Variants in CYTH4 observed in about 807,000 individuals in gnomAD.
The protein encoded by CYTH4 is cytohesin 4.
CYTH4 carries 22 observed loss-of-function variants against 57.5 expected under a neutral mutation model. That is an observed-to-expected ratio of 0.38 (90% CI 0.27 to 0.55). The LOEUF (loss-of-function observed/expected upper bound fraction) is 0.55. CYTH4 is among the 20% of genes least tolerant of loss of function. The pLI is 0.74. For missense variants in CYTH4, 420 were observed against 535.6 expected (o/e 0.78, Z 2.13); for synonymous variants, 186 against 206.5 (o/e 0.90, Z 0.85).
chr22:37,311,771 C>A lies in CYTH4; in HGVS notation c.957+244C>A. ...CACAGCCCGACTGGCTGGATGGCCC[C>A]GAGTAAGCTCCACTCCATTCAGAAC... On this transcript the variant is annotated intron_variant, in intron 11 of 12. Coordinates refer to ENST00000248901, the MANE Select transcript of CYTH4 (RefSeq NM_013385.5). This position sits in a 1 kb window ranked among gnomAD's most constrained non-coding sequence, Gnocchi z 4.4. The A allele has an allele frequency of 1.5e-6, 1 of 655,948 alleles. No individual in the cohort carries two copies. The highest frequency in any genetic ancestry group is 2.6e-6 in the Non-Finnish European group (1 of 387,508). 40.6% of individuals were successfully genotyped at this position (655,948 alleles called of 1,614,324 possible). A position where few individuals can be genotyped will look rare whatever the true frequency, so the allele number is the denominator to read the frequency against.
Position 37,297,642 on chromosome 22 carries a change from G to T in CYTH4, c.313G>T (p.Gly105Cys). ...TGCACGGTTCCTGTATAAAGGCGAG[G>T]GCCTCAACAAGACAGCCATTGGTAC... The part of the protein sequence containing the change: ...DIARFLYKGE[G>C]LNKTAIGTYL... Residue 105 changes from glycine (G) to cysteine (C), a missense_variant, in exon 5 of 13, where the codon GGC becomes TGC. Physicochemically the swap from Gly to Cys is radical, Grantham distance 159 (BLOSUM62 -3). Transcript: ENST00000248901. 6.2e-7 allele frequency: 1 copy of T among 1,613,960 alleles called. No individual in the cohort carries two copies. Among genetic ancestry groups the T allele is most frequent in the South Asian group, 1.1e-5 (1 of 91,080 alleles).
At position 37,313,747 on chromosome 22, in the gene CYTH4, C is replaced by T. The variant is rs1203908564; in HGVS notation, c.*236C>T. 4 of 560,540 alleles carry T rather than the reference C, an allele frequency of 7.1e-6. No homozygotes were observed. Among genetic ancestry groups the T allele is most frequent in the African/African-American group, 1.9e-5 (1 of 52,974 alleles). 34.7% of individuals were successfully genotyped at this position (560,540 alleles called of 1,614,324 possible). A position where few individuals can be genotyped will look rare whatever the true frequency, so the allele number is the denominator to read the frequency against. ...TGGCCTGGGCACCCAGCTGCAGGCC[C>T]CTGCCCTACGTGCACTACAGGAAGG... On this transcript the variant is annotated 3_prime_UTR_variant, in exon 13 of 13. Coordinates refer to ENST00000248901, the MANE Select transcript of CYTH4 (RefSeq NM_013385.5).
intron 1 of CYTH4, among the ~76,000 whole-genome samples, chr22:37,286,287 T>C (rs1928558966): frequency 6.6e-6 from 1 of 152,110 alleles, no homozygotes; most frequent in Admixed American, 6.5e-5. Flanking sequence ...CAGATGTGAA[T>C]CCCAGCTCTG....
At chr22:37,297,412 T>C (rs1276921302) in intron 4 of CYTH4, 152 bp from the exon 5 acceptor site, 3 of 576,842 alleles carry the variant, frequency 5.2e-6, no homozygotes, top group Non-Finnish European at 6.1e-6. Context: ...GCAGCTCCTA[T>C]GAAAGAGGGG....
At chr22:37,310,949 GA>G in intron 9 of CYTH4, 38 bp from the exon 10 acceptor site, 1 of 1,609,850 alleles carries the variant, frequency 6.2e-7, no homozygotes, top group Non-Finnish European at 8.5e-7. Context: ...AGTGGCCCAG[GA>G]GGAGGACTGA....
At chr22:37,308,771 C>A (rs185987057) in intron 8 of CYTH4, among the ~76,000 whole-genome samples, 8 of 143,180 alleles carry the variant, frequency 5.6e-5, no homozygotes, top group Admixed American at 4.1e-4. Flanking sequence ...TGTGAGCGTG[C>A]CTGCATGTGT....
intron 7 of CYTH4, among the ~76,000 whole-genome samples, chr22:37,302,316 G>A (rs1304919316): frequency 1.3e-5 from 2 of 152,234 alleles, no homozygotes; most frequent in East Asian, 1.9e-4. Flanking sequence ...AGGTAGGAAA[G>A]AAGGCATCTT....
intron 9 of CYTH4, chr22:37,309,855 G>A (rs765793124): frequency 3.2e-6 from 1 of 308,642 alleles, no homozygotes; most frequent in Non-Finnish European, 6.9e-6. Context: ...AAGCTGACTG[G>A]GGGCAGGGAG....
intron 12 of CYTH4, among the ~76,000 whole-genome samples, chr22:37,312,749 G>T (rs2145873564): frequency 6.6e-6 from 1 of 152,348 alleles, no homozygotes; most frequent in Middle Eastern, 3.4e-3. Flanking sequence ...GCTGGGTGAG[G>T]AAAGCCAAAG....
At chr22:37,296,367 C>T (rs376827751) in intron 4 of CYTH4, 5 of 406,632 alleles carry the variant, frequency 1.2e-5, no homozygotes, top group African/African-American at 6.2e-5. Context: ...ATGAATGTGG[C>T]TTGGGACAGT....
rs369653989 is a variant in CYTH4, at chr22:37,309,356, C to T, written c.808+33C>T. The T allele has an allele frequency of 4.4e-6, 7 of 1,579,486 alleles. No homozygotes were observed. In the African/African-American group the frequency reaches 9.4e-5, roughly 21 times the overall value. On this transcript the variant is annotated intron_variant, in intron 9 of 12. Transcript: ENST00000248901. ...ACCGACAGACACACGTCGTCGCACA[C>T]ACACTCATGCACGCGCGGGCACACA...
rs913673935 is a variant in CYTH4, at chr22:37,295,045, A to G, written c.167+321A>G. ...ACCCTGGGATGGGCGGGGAGAAGGG[A>G]AGCTCAGCCCCAAGGGCAAGGACAA... On this transcript the variant is annotated intron_variant, in intron 3 of 12. Coordinates refer to ENST00000248901, the MANE Select transcript of CYTH4 (RefSeq NM_013385.5). The surrounding 1 kb of genome is among the most constrained non-coding windows in gnomAD (Gnocchi z 4.1). Among the ~76,000 whole-genome samples, 3 of 152,052 alleles carry G rather than the reference A, an allele frequency of 2.0e-5. No homozygotes were observed. The highest frequency in any genetic ancestry group is 7.2e-5 in the African/African-American group (3 of 41,394).
chr22:37,311,657 T>G lies in CYTH4; in HGVS notation c.957+130T>G. The G allele has an allele frequency of 1.1e-6, 1 of 928,326 alleles. No individual in the cohort carries two copies. Among genetic ancestry groups the G allele is most frequent in the South Asian group, 1.4e-5 (1 of 71,778 alleles). 57.5% of individuals were successfully genotyped at this position (928,326 alleles called of 1,614,324 possible). A position where few individuals can be genotyped will look rare whatever the true frequency, so the allele number is the denominator to read the frequency against. ...GTGCCCCTTACACCTTCCCTGTGGCTCAGGGCTGCCTTCTCTCCCTCCTGG... is the reference window on the plus strand; with the variant it reads ...GTGCCCCTTACACCTTCCCTGTGGCGCAGGGCTGCCTTCTCTCCCTCCTGG... On this transcript the variant is annotated intron_variant, in intron 11 of 12. Coordinates refer to ENST00000248901, the MANE Select transcript of CYTH4 (RefSeq NM_013385.5). The surrounding 1 kb of genome is among the most constrained non-coding windows in gnomAD (Gnocchi z 4.4).
chr22:37,311,630 C>T lies in CYTH4; in HGVS notation c.957+103C>T. 2.5e-6 allele frequency: 3 copies of T among 1,207,456 alleles called. No homozygotes were observed. The highest frequency in any genetic ancestry group is 3.6e-6 in the Non-Finnish European group (3 of 826,278). 74.8% of individuals were successfully genotyped at this position (1,207,456 alleles called of 1,614,324 possible). On this transcript the variant is annotated intron_variant, in intron 11 of 12. Transcript: ENST00000248901. The surrounding 1 kb of genome is among the most constrained non-coding windows in gnomAD (Gnocchi z 4.4). Reference sequence around the variant, plus strand: ...AGGCTGGGCTCTCCAGGAAGCCAGGCTGTGCCCCTTACACCTTCCCTGTGG... The same window carrying T: ...AGGCTGGGCTCTCCAGGAAGCCAGGTTGTGCCCCTTACACCTTCCCTGTGG...
intron 12 of CYTH4, 116 bp from the exon 13 acceptor site, chr22:37,313,323 C>T (rs909937057): frequency 3.4e-5 from 35 of 1,024,004 alleles, no homozygotes; most frequent in South Asian, 5.6e-5. Context: ...CTTTCCCCCG[C>T]GGCAGAGCAG....
intron 8 of CYTH4, among the ~76,000 whole-genome samples, chr22:37,308,690 G>C (rs1189689924): frequency 6.6e-6 from 1 of 151,774 alleles, no homozygotes; most frequent in African/African-American, 2.4e-5. Context: ...GTGTAAGTAT[G>C]CATGTATGTG....
In CYTH4 at chr22:37,313,495, T is replaced by C. The variant is rs112449788; in HGVS notation, c.1169T>C (p.Ile390Thr). 6.7e-4 allele frequency: 1,074 copies of C among 1,614,106 alleles called. 11 individuals are homozygous for C. The African/African-American group carries it at 0.013, about 20-fold the overall frequency. ...CTGGTCTCTACTCGGAAGAAGAAGATTGCCAGCAAGCAGTGAGATTCCTGG... is the reference window on the plus strand; with the variant it reads ...CTGGTCTCTACTCGGAAGAAGAAGACTGCCAGCAAGCAGTGAGATTCCTGG... ...YDLVSTRKKK[I>T]ASKQ Residue 390 changes from isoleucine to threonine, a missense_variant, in exon 13 of 13, where the codon ATT (isoleucine) becomes ACT (threonine). Transcript: ENST00000248901.
chr22:37,295,392 G>A lies in CYTH4; in HGVS notation c.168-607G>A, dbSNP rs551470004. On this transcript the variant is annotated intron_variant, in intron 3 of 12. Coordinates refer to ENST00000248901, the MANE Select transcript of CYTH4 (RefSeq NM_013385.5). This position sits in a 1 kb window ranked among gnomAD's most constrained non-coding sequence, Gnocchi z 4.1. ...ACCACACACATGCACACACACACAC[G>A]CATGCACACACACACAAGCATGCAC... Among the ~76,000 whole-genome samples, 573 of 138,030 alleles carry A rather than the reference G, an allele frequency of 4.2e-3. 8 individuals carry two copies. Among genetic ancestry groups the A allele is most frequent in the African/African-American group, 0.018 (554 of 30,522 alleles). The allele number at this position is 138,030 out of a possible 152,430, so 90.6% of individuals were successfully genotyped here.
In CYTH4 at chr22:37,311,448, C is replaced by T. The variant is rs1929639861; in HGVS notation, c.886-8C>T. 6.2e-7 allele frequency: 1 copy of T among 1,613,528 alleles called. No individual in the cohort carries two copies. The highest frequency in any genetic ancestry group is 8.5e-7 in the Non-Finnish European group (1 of 1,179,622). ...CTGACCCTGACCTTCCTTCCCCTTT[C>T]CCTGTAGGACAAGGAGCCACGGGGA... On this transcript the variant is annotated splice_polypyrimidine_tract_variant and splice_region_variant and intron_variant, in intron 10 of 12. Coordinates refer to ENST00000248901, the MANE Select transcript of CYTH4 (RefSeq NM_013385.5). The surrounding 1 kb of genome is among the most constrained non-coding windows in gnomAD (Gnocchi z 4.4).
Sources: allele counts gnomAD v4.1 joint callset (sites outside exome capture counted in the v4.1 genomes callset), GRCh38; gene constraint gnomAD v4.1.1; non-coding constraint Gnocchi (gnomAD v3.1); transcripts MANE v1.5; gene names NCBI Gene and HGNC (gene_info 2026-07-23, HGNC 2026-07-21).